Variants in HEATR5B observed in about 807,000 individuals in gnomAD.
HEATR5B encodes the protein HEAT repeat containing 5B.
In HEATR5B, 156 loss-of-function variants were observed where a neutral mutation model predicts 224.1. That is an observed-to-expected ratio of 0.70 (90% CI 0.61 to 0.80). The LOEUF (loss-of-function observed/expected upper bound fraction) is 0.80, where lower values mean the gene tolerates loss of function less well. Among genes scored for constraint, HEATR5B ranks in the 30% least tolerant of loss-of-function variants. The pLI is 0.00. For missense variants in HEATR5B, 2,323 were observed against 2,535.5 expected, an observed-to-expected ratio of 0.92 and a Z score of 1.80; for synonymous variants, 1,027 against 893.0, an observed-to-expected ratio of 1.15 and a Z score of -2.68.
Position 36,988,906 on chromosome 2 carries a change from T to C in HEATR5B, c.5698-47A>G, listed in dbSNP as rs1334359246. ...TCAATTAACATGTGTATAGTTCTTA[T>C]TTGCTCTACAATCACATTGCATCTT... On this transcript the variant is annotated intron_variant, in intron 34 of 35. Coordinates refer to ENST00000233099, the MANE Select transcript of HEATR5B (RefSeq NM_019024.3). 10 of 1,396,998 alleles carry C rather than the reference T, an allele frequency of 7.2e-6. No individual in the cohort carries two copies. The East Asian group carries it at 1.8e-4, about 26-fold the overall frequency. 86.5% of individuals were successfully genotyped at this position (1,396,998 alleles called of 1,614,324 possible).
chr2:37,007,319 A>C lies in HEATR5B; in HGVS notation c.4523-15T>G, dbSNP rs528640235. 16 of 1,581,126 alleles carry C rather than the reference A, an allele frequency of 1.0e-5. No individual in the cohort carries two copies. The Admixed American group carries it at 2.6e-4, about 25-fold the overall frequency. On this transcript the variant is annotated splice_polypyrimidine_tract_variant and intron_variant, in intron 28 of 35. Transcript: ENST00000233099. The stretch of plus-strand genomic sequence containing the variant: ...AAATGCTCCACCTGTAAAGCAATCA[A>C]ATCAATTAAAAACATTACTTTTTTT...
At chr2:37,047,629 C>T (rs923596842) in intron 18 of HEATR5B, among the ~76,000 whole-genome samples, 1 of 152,152 alleles carries the variant, frequency 6.6e-6, no homozygotes, top group African/African-American at 2.4e-5. Context: ...AAGGTACTCC[C>T]TATTAACCTA....
intron 26 of HEATR5B, among the ~76,000 whole-genome samples, chr2:37,016,196 T>C (rs1300585929): frequency 6.8e-6 from 1 of 147,992 alleles, no homozygotes; most frequent in Non-Finnish European, 1.5e-5. Context: ...CACTGCAACC[T>C]CCGCCTCCCA....
rs1233232323 is a variant in HEATR5B at position 36,981,203 on chromosome 2, T to C, written c.*287A>G. On this transcript the variant is annotated 3_prime_UTR_variant, in exon 36 of 36. Transcript: ENST00000233099. ...GCCCGACTACATGATACAATTGTTT[T>C]TAGCATTTAAATTTAAGACTATGGC... 2 of 263,822 alleles carry C rather than the reference T, an allele frequency of 7.6e-6. No individual in the cohort carries two copies. The allele number at this position is 263,822 out of a possible 1,614,324, so 16.3% of individuals were successfully genotyped here.
intron 27 of HEATR5B, among the ~76,000 whole-genome samples, chr2:37,009,799 G>A (rs1234368739): frequency 1.1e-5 from 1 of 88,770 alleles, no homozygotes; most frequent in Non-Finnish European, 2.4e-5. Flanking sequence ...TTTTTTTTTT[G>A]CCACAGGGTA....
intron 35 of HEATR5B, among the ~76,000 whole-genome samples, chr2:36,982,861 G>GACACACACACACAC (rs1665672650): frequency 3.4e-5 from 2 of 58,510 alleles, no homozygotes; most frequent in Admixed American, 1.6e-4. Context: ...AACAGACACA[G>GACACACACACACAC]ATACACACAC....
chr2:37,011,971 TA>T (rs1248579393), intron 27 of HEATR5B, among the ~76,000 whole-genome samples: 8 of 152,246 alleles, frequency 5.3e-5, no homozygotes, highest in African/African-American at 1.4e-4. Flanking sequence ...AAAAAGGTTC[TA>T]TATTTTATAT....
At position 37,033,578 on chromosome 2, in the gene HEATR5B, G is replaced by A. The variant is rs528343120; in HGVS notation, c.3217-805C>T. ...AATCACCTGAAAAAATTGCAAAATG[G>A]GGCCTTTTGCCACAGTATTTTTTTC... On this transcript the variant is annotated intron_variant, in intron 21 of 35. Transcript: ENST00000233099. 2.0e-5 allele frequency among the ~76,000 whole-genome samples: 3 copies of A among 152,176 alleles called. No individual in the cohort carries two copies. In the East Asian group the frequency reaches 5.8e-4, roughly 29 times the overall value.
chr2:37,039,386 A>G (rs911151571), intron 20 of HEATR5B, among the ~76,000 whole-genome samples: 1 of 151,998 alleles, frequency 6.6e-6, no homozygotes, highest in Non-Finnish European at 1.5e-5. Flanking sequence ...GAATCGCTTG[A>G]ACTCAGGAAG....
intron 8 of HEATR5B, 79 bp downstream of exon 8, chr2:37,068,602 T>C (rs1671722149): frequency 4.2e-6 from 6 of 1,438,202 alleles, no homozygotes; most frequent in Non-Finnish European, 5.7e-6. Flanking sequence ...CTAATCAGTC[T>C]TATGGATATT....
chr2:37,057,434 CAA>C lies in HEATR5B; in HGVS notation c.2104_2105del (p.Leu702AspfsTer2). ...LLRELVAEFT[L>X]TDNSANTTTS... is the part of the protein sequence containing the mutation. The stretch of plus-strand genomic sequence containing the variant: ...TAGTTGTGTTGGCTGAGTTGTCAGT[CAA>C]AGTGAATTCCGCTACCAGTTCTCTA... On this transcript the variant is annotated frameshift_variant, in exon 15 of 36. Coordinates refer to ENST00000233099, the MANE Select transcript of HEATR5B (RefSeq NM_019024.3). LOFTEE classifies it high-confidence loss of function. The C allele has an allele frequency of 6.2e-7, 1 of 1,611,026 alleles. No homozygotes were observed. The highest frequency in any genetic ancestry group is 1.1e-5 in the South Asian group (1 of 90,406).
At chr2:37,057,670 A>G (rs1473743079) in intron 14 of HEATR5B, among the ~76,000 whole-genome samples, 190 bp from the exon 15 acceptor site, 3 of 152,158 alleles carry the variant, frequency 2.0e-5, no homozygotes, top group African/African-American at 7.2e-5. Flanking sequence ...CATATATTGT[A>G]TTGTGTCTTT....
chr2:37,018,210 C>CT (rs1166316016), intron 26 of HEATR5B, among the ~76,000 whole-genome samples: 1 of 151,876 alleles, frequency 6.6e-6, no homozygotes, highest in African/African-American at 2.4e-5. Flanking sequence ...AAAAATGCAA[C>CT]TAGGGCCACA....
chr2:37,051,379 G>C (rs1466824350), intron 17 of HEATR5B, among the ~76,000 whole-genome samples: 1 of 140,434 alleles, frequency 7.1e-6, no homozygotes, highest in South Asian at 2.2e-4. Context: ...AAAAAAAAAA[G>C]GTAAAAATAG....
chr2:37,072,442 A>C (rs186649628), intron 5 of HEATR5B, among the ~76,000 whole-genome samples, 161 bp from the exon 6 acceptor site: 2 of 152,360 alleles, frequency 1.3e-5, no homozygotes, highest in East Asian at 3.9e-4. Context: ...GCAATGAAGC[A>C]TCTTTGAGGA....
intron 10 of HEATR5B, 135 bp downstream of exon 10, chr2:37,064,605 G>C: frequency 2.4e-6 from 2 of 822,432 alleles, no homozygotes; most frequent in Non-Finnish European, 3.9e-6. Context: ...TAACACCATA[G>C]TAAGAACACT....
intron 34 of HEATR5B, 79 bp downstream of exon 34, chr2:36,990,564 TATCAC>T: frequency 8.2e-7 from 1 of 1,226,932 alleles, no homozygotes; most frequent in Non-Finnish European, 1.1e-6. Context: ...TTTCATTATG[TATCAC>T]ATATTTTAAT....
At chr2:37,004,754 G>A (rs1005144894) in intron 30 of HEATR5B, among the ~76,000 whole-genome samples, 4 of 151,994 alleles carry the variant, frequency 2.6e-5, no homozygotes, top group Non-Finnish European at 5.9e-5. Context: ...AACTTCTCTA[G>A]CAGTTTCCAC....
At chr2:37,078,011 T>C (rs929730675) in intron 3 of HEATR5B, among the ~76,000 whole-genome samples, 1 of 152,188 alleles carries the variant, frequency 6.6e-6, no homozygotes, top group African/African-American at 2.4e-5. Context: ...TGGGTTTAGC[T>C]TAAAGGCAAA....
Sources: allele counts gnomAD v4.1 joint callset (sites outside exome capture counted in the v4.1 genomes callset), GRCh38; gene constraint gnomAD v4.1.1; transcripts MANE v1.5; gene names NCBI Gene and HGNC (gene_info 2026-07-23, HGNC 2026-07-21).